Variants in CACNG7 observed in about 807,000 individuals in gnomAD.
CACNG7 encodes the protein calcium voltage-gated channel auxiliary subunit gamma 7.
In CACNG7, 9 loss-of-function variants were observed where a neutral mutation model predicts 26.3. The observed-to-expected ratio is 0.34, with a 90% CI of 0.21 to 0.60. The LOEUF (loss-of-function observed/expected upper bound fraction) is 0.60. Ranked by LOEUF, CACNG7 falls within the 20% of genes least tolerant of loss-of-function variation. The pLI is 0.81. For synonymous variants in CACNG7, 170 were observed against 157.0 expected, an observed-to-expected ratio of 1.08 and a Z score of -0.62; for missense variants, 297 against 380.4, an observed-to-expected ratio of 0.78 and a Z score of 1.82.
At chr19:53,929,120 AAC>A (rs1402931030) in intron 4 of CACNG7, among the ~76,000 whole-genome samples, 3,081 of 58,208 alleles carry the variant, frequency 0.053, 191 homozygotes, top group East Asian at 0.14. Flanking sequence ...TCAAAAAAAA[AAC>A]AAAAAAAAAA....
chr19:53,929,265 AGAGAGAGAGAGG>A (rs993654427), intron 4 of CACNG7, among the ~76,000 whole-genome samples: 1 of 128,138 alleles, frequency 7.8e-6, no homozygotes, highest in African/African-American at 5.0e-5. Context: ...CTGATGGATG[AGAGAGAGAGAGG>A]GAGAGAGAGA....
chr19:53,939,699 C>G lies in CACNG7; in HGVS notation c.425-1771C>G, dbSNP rs1356510624. 6.6e-6 allele frequency among the ~76,000 whole-genome samples: 1 copy of G among 152,130 alleles called. No homozygotes were observed. The highest frequency in any genetic ancestry group is 2.4e-5 in the African/African-American group (1 of 41,422). On this transcript the variant is annotated intron_variant, in intron 4 of 5. Transcript: ENST00000391767. The surrounding 1 kb of genome is among the most constrained non-coding windows in gnomAD (Gnocchi z 4.2). ...CAGCTGATGGGCATTTGGGCTGTTT[C>G]CGCTTTTTGGCTATTACGCATAACG...
chr19:53,913,593 G>A (rs1462767015), intron 2 of CACNG7, among the ~76,000 whole-genome samples: 2 of 151,644 alleles, frequency 1.3e-5, no homozygotes, highest in Non-Finnish European at 2.9e-5. Flanking sequence ...CTGCCACTGC[G>A]CTCCAGCCTA....
At chr19:53,915,536 A>G in intron 4 of CACNG7, 31 bp downstream of exon 4, 1 of 1,610,204 alleles carries the variant, frequency 6.2e-7, no homozygotes, top group Non-Finnish European at 8.5e-7. Flanking sequence ...GTTGGGGGGG[A>G]CCATTTCCAG....
At chr19:53,916,491 T>TTTTC (rs950445123) in intron 4 of CACNG7, among the ~76,000 whole-genome samples, 2 of 103,006 alleles carry the variant, frequency 1.9e-5, no homozygotes, top group African/African-American at 7.0e-5. Context: ...TTCTTTCTTT[T>TTTTC]TTTTTTTTTT....
chr19:53,917,133 T>C (rs1174084104), intron 4 of CACNG7, among the ~76,000 whole-genome samples: 1 of 152,078 alleles, frequency 6.6e-6, no homozygotes, highest in Non-Finnish European at 1.5e-5. Flanking sequence ...CTCCTCCAAA[T>C]TTCAACTCAG....
chr19:53,929,304 A>G (rs2069055780), intron 4 of CACNG7, among the ~76,000 whole-genome samples: 1 of 151,812 alleles, frequency 6.6e-6, no homozygotes, highest in African/African-American at 2.4e-5. Flanking sequence ...AAGAGGAGTG[A>G]AGCTGATTCC....
chr19:53,927,780 GTGAGCC>G (rs909698614), intron 4 of CACNG7, among the ~76,000 whole-genome samples: 14 of 151,284 alleles, frequency 9.3e-5, no homozygotes, highest in South Asian at 2.1e-4. Context: ...GGAGGTTGCA[GTGAGCC>G]GAGATCGCAC....
At chr19:53,935,666 G>A (rs1476518388) in intron 4 of CACNG7, among the ~76,000 whole-genome samples, 1 of 38,630 alleles carries the variant, frequency 2.6e-5, no homozygotes, top group African/African-American at 9.8e-5. Flanking sequence ...TTGAGTTGGA[G>A]TTTTGCTCTT....
intron 4 of CACNG7, among the ~76,000 whole-genome samples, chr19:53,935,074 T>C (rs2069096746): frequency 6.7e-6 from 1 of 148,320 alleles, no homozygotes; most frequent in Non-Finnish European, 1.5e-5. Flanking sequence ...ATACACACGT[T>C]ATATATACAT....
chr19:53,917,356 A>G (rs930904862), intron 4 of CACNG7, among the ~76,000 whole-genome samples: 10 of 152,206 alleles, frequency 6.6e-5, no homozygotes, highest in Non-Finnish European at 5.9e-5. Context: ...TGCATGTCTC[A>G]GCTCCATTCT....
chr19:53,925,678 G>A (rs73937621), intron 4 of CACNG7, among the ~76,000 whole-genome samples: 1 of 152,268 alleles, frequency 6.6e-6, no homozygotes, highest in African/African-American at 2.4e-5. Context: ...CAGGCAGGAG[G>A]ATTACGGTCA....
At chr19:53,928,160 TG>T (rs2069046177) in intron 4 of CACNG7, among the ~76,000 whole-genome samples, 1 of 152,054 alleles carries the variant, frequency 6.6e-6, no homozygotes, top group Admixed American at 6.6e-5. Context: ...ACGATAAGAA[TG>T]ACTTACTACA....
chr19:53,912,695 T>G lies in CACNG7; in HGVS notation c.-29-108T>G. On this transcript the variant is annotated intron_variant, in intron 1 of 5. Coordinates refer to ENST00000391767, the MANE Select transcript of CACNG7 (RefSeq NM_031896.5). The surrounding 1 kb of genome is among the most constrained non-coding windows in gnomAD (Gnocchi z 4.6). Reference sequence around the variant, plus strand: ...ACGGAGGTCAGATCTGAGATTTCGATTTGGGAGTCAGTGTCTCTGGCTAGG... The same window carrying G: ...ACGGAGGTCAGATCTGAGATTTCGAGTTGGGAGTCAGTGTCTCTGGCTAGG... 2.4e-6 allele frequency: 2 copies of G among 843,512 alleles called. No individual in the cohort carries two copies. The highest frequency in any genetic ancestry group is 3.8e-6 in the Non-Finnish European group (2 of 525,530). The allele number at this position is 843,512 out of a possible 1,614,324, so 52.3% of individuals were successfully genotyped here. A position where few individuals can be genotyped will look rare whatever the true frequency, so the allele number is the denominator to read the frequency against.
chr19:53,913,129 G>A (rs1000309496), intron 2 of CACNG7, 102 bp downstream of exon 2: 19 of 1,050,596 alleles, frequency 1.8e-5, no homozygotes, highest in African/African-American at 6.4e-5. Context: ...ATCCAGAAAC[G>A]GATCCTGATT....
At chr19:53,931,453 G>A (rs187247965) in intron 4 of CACNG7, among the ~76,000 whole-genome samples, 101 of 151,950 alleles carry the variant, frequency 6.6e-4, no homozygotes, top group African/African-American at 2.3e-3. Context: ...TTGGGAGGCC[G>A]AGCTGGGCAG....
intron 4 of CACNG7, among the ~76,000 whole-genome samples, chr19:53,921,668 G>A (rs375409337): frequency 5.7e-4 from 56 of 98,570 alleles, no homozygotes; most frequent in South Asian, 2.9e-3. Context: ...CTTGCCCCAG[G>A]TCTGGTCATT....
Position 53,939,102 on chromosome 19 carries a change from CA to C in CACNG7, c.425-2363del, listed in dbSNP as rs1223285952. On this transcript the variant is annotated intron_variant, in intron 4 of 5. Transcript: ENST00000391767. This position sits in a 1 kb window ranked among gnomAD's most constrained non-coding sequence, Gnocchi z 4.2. ...TGAAGCCCTGTCTCTACTAAAAATA[CA>C]AAAATTAGCCAGGCATGGTGGCGGG... Among the ~76,000 whole-genome samples, 1 of 152,076 alleles carries C rather than the reference CA, an allele frequency of 6.6e-6. No homozygotes were observed. The highest frequency in any genetic ancestry group is 2.4e-5 in the African/African-American group (1 of 41,392).
intron 5 of CACNG7, 41 bp from the exon 6 acceptor site, chr19:53,941,995 C>T: frequency 2.0e-6 from 3 of 1,534,394 alleles, no homozygotes; most frequent in Non-Finnish European, 2.6e-6. Context: ...CGGGGATGCG[C>T]AGGGGGGCGC....
Sources: allele counts gnomAD v4.1 joint callset (sites outside exome capture counted in the v4.1 genomes callset), GRCh38; gene constraint gnomAD v4.1.1; non-coding constraint Gnocchi (gnomAD v3.1); transcripts MANE v1.5; gene names NCBI Gene and HGNC (gene_info 2026-07-23, HGNC 2026-07-21).